Variants in PIEZO2 observed in about 807,000 individuals in gnomAD.
PIEZO2 encodes piezo type mechanosensitive ion channel component 2.
In PIEZO2, 172 loss-of-function variants were observed where a neutral mutation model predicts 337.3. The observed-to-expected ratio is 0.51, with a 90% CI of 0.45 to 0.58. The LOEUF (loss-of-function observed/expected upper bound fraction) is 0.58. Among genes scored for constraint, PIEZO2 ranks in the 20% least tolerant of loss-of-function variants. The pLI is 0.00. For synonymous variants in PIEZO2, 1,251 were observed against 1,228.5 expected, an observed-to-expected ratio of 1.02 and a Z score of -0.38; for missense variants, 3,028 against 3,391.3, an observed-to-expected ratio of 0.89 and a Z score of 2.66.
intron 2 of PIEZO2, among the ~76,000 whole-genome samples, chr18:11,005,682 C>A (rs1244095244): frequency 1.3e-5 from 2 of 152,206 alleles, no homozygotes; most frequent in Non-Finnish European, 2.9e-5. Flanking sequence ...GGAGGAGGGA[C>A]TTTTTGTGCT....
At chr18:10,756,583 G>A (rs1198285533) in intron 27 of PIEZO2, among the ~76,000 whole-genome samples, 2 of 146,026 alleles carry the variant, frequency 1.4e-5, no homozygotes, top group Non-Finnish European at 3.0e-5. Flanking sequence ...TGCAGATAAA[G>A]GATGAAAGAT....
Position 10,726,258 on chromosome 18 carries a change from T to C in PIEZO2, c.5029+5149A>G. On this transcript the variant is annotated intron_variant, in intron 36 of 55. Transcript: ENST00000674853. The surrounding 1 kb of genome is among the most constrained non-coding windows in gnomAD (Gnocchi z 5.9). ...CTGGAAGAGCTTGTGTGCGAGCCTGTGTTCGGGAGCATGAGAATGGAAGCG... is the reference window on the plus strand; with the variant it reads ...CTGGAAGAGCTTGTGTGCGAGCCTGCGTTCGGGAGCATGAGAATGGAAGCG... 3.8e-6 allele frequency: 3 copies of C among 785,504 alleles called. No homozygotes were observed. In the South Asian group the frequency reaches 4.5e-5, roughly 12 times the overall value. The allele number at this position is 785,504 out of a possible 1,614,324, so 48.7% of individuals were successfully genotyped here.
intron 13 of PIEZO2, among the ~76,000 whole-genome samples, chr18:10,792,514 A>G (rs191380150): frequency 1.8e-4 from 28 of 152,330 alleles, no homozygotes; most frequent in Admixed American, 1.8e-3. Context: ...ATTTTATATG[A>G]ATGAAATTAT....
At position 10,905,353 on chromosome 18, in the gene PIEZO2, G is replaced by A. The variant is rs553143438; in HGVS notation, c.329+5833C>T. ...ATCTCAGCACTTTTGGGAGGCGGAG[G>A]TGGGTGGATCACCTGAGGTCCGGAG... On this transcript the variant is annotated intron_variant, in intron 4 of 55. Coordinates refer to ENST00000674853, the MANE Select transcript of PIEZO2 (RefSeq NM_001378183.1). Among the ~76,000 whole-genome samples, 175 of 152,212 alleles carry A rather than the reference G, an allele frequency of 1.1e-3. 4 individuals carry two copies. The South Asian group carries it at 0.036, about 31-fold the overall frequency.
chr18:11,051,120 C>G (rs8095586), intron 2 of PIEZO2, among the ~76,000 whole-genome samples: 23,030 of 152,078 alleles, frequency 0.15, 2,055 homozygotes, highest in Middle Eastern at 0.26. Flanking sequence ...GAGAGCTAGC[C>G]ATCACAACCC....
chr18:10,999,674 G>T (rs1206216085), intron 2 of PIEZO2, among the ~76,000 whole-genome samples: 10 of 152,156 alleles, frequency 6.6e-5, no homozygotes. Context: ...AATCACCCAT[G>T]AATACTAAGA....
In PIEZO2 at chr18:11,097,535, AACTGCTTC is replaced by A. The variant is rs1349152395; in HGVS notation, c.65-31321_65-31314del. Among the ~76,000 whole-genome samples, 1 of 152,228 alleles carries A rather than the reference AACTGCTTC, an allele frequency of 6.6e-6. No individual in the cohort carries two copies. Among genetic ancestry groups the A allele is most frequent in the Admixed American group, 6.5e-5 (1 of 15,286 alleles). ...ACCAGAAAACACAGGGCCTGGCCATAACTGCTTCACAGTTTGAAGACAGCAAAAGCTAT... is the reference window on the plus strand; with the variant it reads ...ACCAGAAAACACAGGGCCTGGCCATAACAGTTTGAAGACAGCAAAAGCTAT... On this transcript the variant is annotated intron_variant, in intron 1 of 55. Coordinates refer to ENST00000674853, the MANE Select transcript of PIEZO2 (RefSeq NM_001378183.1). This position sits in a 1 kb window ranked among gnomAD's most constrained non-coding sequence, Gnocchi z 5.0.
intron 2 of PIEZO2, among the ~76,000 whole-genome samples, chr18:11,025,273 A>T (rs1205498099): frequency 6.6e-6 from 1 of 152,170 alleles, no homozygotes; most frequent in African/African-American, 2.4e-5. Context: ...AGTGTCTTTT[A>T]CAAAGTGAGT....
In PIEZO2 at chr18:10,929,968, G is replaced by A. The variant is rs2031981556; in HGVS notation, c.287-18740C>T. On this transcript the variant is annotated intron_variant, in intron 3 of 55. Coordinates refer to ENST00000674853, the MANE Select transcript of PIEZO2 (RefSeq NM_001378183.1). The surrounding 1 kb of genome is among the most constrained non-coding windows in gnomAD (Gnocchi z 5.6). ...TATACCCTCTTTCCTTTGGAGTTGA[G>A]GCACCACGGACCAGCATTAACATTA... 6.6e-6 allele frequency among the ~76,000 whole-genome samples: 1 copy of A among 152,162 alleles called. No homozygotes were observed. The highest frequency in any genetic ancestry group is 1.5e-5 in the Non-Finnish European group (1 of 68,038).
Position 10,887,795 on chromosome 18 carries a change from T to C in PIEZO2, c.330-16380A>G, listed in dbSNP as rs552099821. On this transcript the variant is annotated intron_variant, in intron 4 of 55. Coordinates refer to ENST00000674853, the MANE Select transcript of PIEZO2 (RefSeq NM_001378183.1). ...TCTGAATGAGTACCGTCTTTCATTA[T>C]GGAGGATGATCCTCAACCTGGCTCA... Among the ~76,000 whole-genome samples the C allele has an allele frequency of 4.1e-4, 62 of 152,322 alleles. No individual in the cohort carries two copies. The South Asian group carries it at 9.7e-3, about 24-fold the overall frequency.
chr18:10,757,113 G>C (rs540691335), intron 27 of PIEZO2, among the ~76,000 whole-genome samples: 1 of 151,238 alleles, frequency 6.6e-6, no homozygotes, highest in East Asian at 2.0e-4. Flanking sequence ...AGGAGAAATG[G>C]GGATAAGGAT....
intron 7 of PIEZO2, among the ~76,000 whole-genome samples, chr18:10,812,597 G>A (rs1235185065): frequency 1.3e-5 from 2 of 152,092 alleles, no homozygotes; most frequent in East Asian, 1.9e-4. Flanking sequence ...GTTGCTCATC[G>A]CAGCACTGTG....
rs7245202 is a variant in PIEZO2 at position 10,828,166 on chromosome 18, C to T, written c.918-20892G>A. 2.0e-3 allele frequency among the ~76,000 whole-genome samples: 298 copies of T among 149,118 alleles called. 1 individual carries two copies. Among genetic ancestry groups the T allele is most frequent in the African/African-American group, 7.0e-3 (282 of 40,548 alleles). On this transcript the variant is annotated intron_variant, in intron 7 of 55. Coordinates refer to ENST00000674853, the MANE Select transcript of PIEZO2 (RefSeq NM_001378183.1). This position sits in a 1 kb window ranked among gnomAD's most constrained non-coding sequence, Gnocchi z 4.1. ...TTTTTTTTTTTTTTTACAGTAAAAC[C>T]AATCCTGTATGTAGTCATAAGTATC...
chr18:10,989,251 A>G (rs2034999937), intron 2 of PIEZO2, among the ~76,000 whole-genome samples: 1 of 152,096 alleles, frequency 6.6e-6, no homozygotes, highest in South Asian at 2.1e-4. Context: ...TATGAGAATC[A>G]TACCTCAATA....
Position 10,781,716 on chromosome 18 carries a change from T to C in PIEZO2, c.2493-1350A>G, listed in dbSNP as rs949628360. ...TCTAAACATAATAAATTCTGCTTCATACACAAGTGACATGTGCCTACATTA... is the reference window on the plus strand; with the variant it reads ...TCTAAACATAATAAATTCTGCTTCACACACAAGTGACATGTGCCTACATTA... On this transcript the variant is annotated intron_variant, in intron 17 of 55. Transcript: ENST00000674853. The surrounding 1 kb of genome is among the most constrained non-coding windows in gnomAD (Gnocchi z 4.1). Among the ~76,000 whole-genome samples, 2 of 152,202 alleles carry C rather than the reference T, an allele frequency of 1.3e-5. No individual in the cohort carries two copies. Among genetic ancestry groups the C allele is most frequent in the African/African-American group, 4.8e-5 (2 of 41,460 alleles).
chr18:10,721,216 C>T (rs1002804550), intron 36 of PIEZO2, among the ~76,000 whole-genome samples: 2 of 152,116 alleles, frequency 1.3e-5, no homozygotes, highest in African/African-American at 2.4e-5. Context: ...CTTATTTGCT[C>T]CTCTGTAGAG....
At chr18:10,756,092 AGAGGAGAGATAGGGGATGAG>A (rs1356796348) in intron 27 of PIEZO2, among the ~76,000 whole-genome samples, 2 of 135,634 alleles carry the variant, frequency 1.5e-5, no homozygotes, top group African/African-American at 5.6e-5. Context: ...TGGAGGATGA[AGAGGAGAGATAGGGGATGAG>A]GAGGAAAGAT....
chr18:10,841,123 A>C lies in PIEZO2; in HGVS notation c.917+14230T>G, dbSNP rs975797327. 2.6e-5 allele frequency among the ~76,000 whole-genome samples: 4 copies of C among 152,220 alleles called. No individual in the cohort carries two copies. The South Asian group carries it at 6.2e-4, about 24-fold the overall frequency. On this transcript the variant is annotated intron_variant, in intron 7 of 55. Transcript: ENST00000674853. Reference sequence around the variant, plus strand: ...CTTGTTCAGGTGAGTGACAGGAATTAGATTTGCCTTCCTGCTTGGAACAAT... The same window carrying C: ...CTTGTTCAGGTGAGTGACAGGAATTCGATTTGCCTTCCTGCTTGGAACAAT...
At chr18:10,882,842 C>CTTTTTTTTTTTTTTTT (rs35740624) in intron 4 of PIEZO2, among the ~76,000 whole-genome samples, 1 of 128,200 alleles carries the variant, frequency 7.8e-6, no homozygotes, top group Non-Finnish European at 1.6e-5. Context: ...TTCTTTTTTT[C>CTTTTTTTTTTTTTTTT]TTTTTTTTTT....
Sources: allele counts gnomAD v4.1 joint callset (sites outside exome capture counted in the v4.1 genomes callset), GRCh38; gene constraint gnomAD v4.1.1; non-coding constraint Gnocchi (gnomAD v3.1); transcripts MANE v1.5; gene names NCBI Gene and HGNC (gene_info 2026-07-23, HGNC 2026-07-21).